Variants in FARP1 observed in about 807,000 individuals in gnomAD.
FARP1 encodes the protein FERM, ARHGEF and pleckstrin domain-containing protein 1.
FARP1 carries 52 observed loss-of-function variants against 128.8 expected under a neutral mutation model. The observed-to-expected ratio is 0.40, with a 90% CI of 0.32 to 0.51. The LOEUF is 0.51. Among genes scored for constraint, FARP1 ranks in the 20% least tolerant of loss-of-function variants. FARP1 has a pLI of 0.45. For missense variants in FARP1, 1,333 were observed against 1,367.9 expected (o/e 0.97, Z 0.40); for synonymous variants, 580 against 551.8 (o/e 1.05, Z -0.72).
intron 2 of FARP1, among the ~76,000 whole-genome samples, chr13:98,334,691 T>A (rs1341648973): frequency 6.6e-6 from 1 of 152,132 alleles, no homozygotes; most frequent in Non-Finnish European, 1.5e-5. Flanking sequence ...GGAAGTACAC[T>A]AATTAAGGTA....
chr13:98,147,612 T>A (rs945679256), intron 1 of FARP1, among the ~76,000 whole-genome samples: 1 of 151,994 alleles, frequency 6.6e-6, no homozygotes, highest in African/African-American at 2.4e-5. Context: ...TCAGTTTTTG[T>A]TCTTGTTCAT....
At chr13:98,396,611 T>C (rs1375964023) in intron 13 of FARP1, 1 of 398,010 alleles carries the variant, frequency 2.5e-6, no homozygotes, top group African/African-American at 2.1e-5. Context: ...GAGGAGATTT[T>C]GGACAGGCAC....
At chr13:98,305,595 A>G (rs1250070479) in intron 2 of FARP1, among the ~76,000 whole-genome samples, 1 of 152,142 alleles carries the variant, frequency 6.6e-6, no homozygotes, top group Admixed American at 6.5e-5. Context: ...CGGCCTCCCA[A>G]AGTGTTGGAA....
At chr13:98,328,586 A>G (rs1887335494) in intron 2 of FARP1, 1 of 152,242 alleles carries the variant, frequency 6.6e-6, no homozygotes, top group Non-Finnish European at 1.5e-5. Flanking sequence ...ACCTCAGCAC[A>G]TGACTCTTTT....
At chr13:98,281,657 A>G (rs182925467) in intron 2 of FARP1, among the ~76,000 whole-genome samples, 152 of 152,328 alleles carry the variant, frequency 1.0e-3, no homozygotes, top group African/African-American at 3.5e-3. Flanking sequence ...AAATGTACTA[A>G]CTGCAAACAA....
At chr13:98,446,451 C>T (rs112445558) in intron 25 of FARP1, 54 of 607,928 alleles carry the variant, frequency 8.9e-5, no homozygotes, top group African/African-American at 3.7e-4. Context: ...GGACAAGGGA[C>T]GGGGGTTGGC....
intron 16 of FARP1, among the ~76,000 whole-genome samples, chr13:98,420,962 T>C (rs1218959758): frequency 1.8e-4 from 27 of 152,166 alleles, no homozygotes; most frequent in Admixed American, 1.8e-3. Flanking sequence ...CTGTGTCCTG[T>C]GTATTTGGAC....
At chr13:98,401,136 T>C (rs1437108047) in intron 13 of FARP1, 4 of 152,172 alleles carry the variant, frequency 2.6e-5, no homozygotes, top group Non-Finnish European at 5.9e-5. Context: ...TAAGAGCATA[T>C]GGAGAGAAAG....
intron 1 of FARP1, among the ~76,000 whole-genome samples, chr13:98,185,096 T>C (rs527906927): frequency 1.3e-5 from 2 of 152,242 alleles, no homozygotes; most frequent in Non-Finnish European, 2.9e-5. Context: ...CAAAATAACC[T>C]CACAATCACA....
At chr13:98,310,645 G>A (rs1318599849) in intron 2 of FARP1, among the ~76,000 whole-genome samples, 2 of 152,176 alleles carry the variant, frequency 1.3e-5, no homozygotes, top group South Asian at 2.1e-4. Flanking sequence ...GATGAAACTC[G>A]TGGGCTGTCC....
intron 1 of FARP1, among the ~76,000 whole-genome samples, chr13:98,208,337 G>A (rs2047005826): frequency 6.6e-6 from 1 of 151,500 alleles, no homozygotes; most frequent in Middle Eastern, 3.2e-3. Context: ...AAAAAGCCGG[G>A]CATGGTGGTG....
intron 6 of FARP1, chr13:98,384,262 G>A (rs1305004880): frequency 6.2e-6 from 1 of 161,564 alleles, no homozygotes; most frequent in Non-Finnish European, 1.4e-5. Flanking sequence ...GCACGATCTT[G>A]GCTCACTGCA....
chr13:98,416,121 A>G (rs574723584), intron 16 of FARP1, among the ~76,000 whole-genome samples: 1 of 152,372 alleles, frequency 6.6e-6, no homozygotes, highest in East Asian at 1.9e-4. Flanking sequence ...TATGGTCTGC[A>G]CCCATCCTCT....
intron 1 of FARP1, among the ~76,000 whole-genome samples, chr13:98,161,797 C>T (rs1292002364): frequency 1.3e-5 from 2 of 151,848 alleles, no homozygotes; most frequent in African/African-American, 2.4e-5. Context: ...CCCTTTCTTT[C>T]GAGGCAGGGT....
intron 3 of FARP1, among the ~76,000 whole-genome samples, chr13:98,350,364 G>A (rs1594432788): frequency 1.3e-5 from 2 of 152,154 alleles, no homozygotes; most frequent in East Asian, 3.8e-4. Flanking sequence ...ACAAAATTGA[G>A]CCAGAAGTAC....
intron 1 of FARP1, among the ~76,000 whole-genome samples, chr13:98,167,397 C>G (rs2139150831): frequency 2.1e-5 from 3 of 142,304 alleles, no homozygotes; most frequent in Middle Eastern, 3.5e-3. Flanking sequence ...AATTTGAGAA[C>G]AGTTTTACTT....
chr13:98,270,469 A>G (rs1233250427), intron 2 of FARP1, among the ~76,000 whole-genome samples: 2 of 152,228 alleles, frequency 1.3e-5, no homozygotes, highest in African/African-American at 4.8e-5. Context: ...TTTTTAAACT[A>G]TTCATGACTT....
chr13:98,333,660 G>A (rs1208491509), intron 2 of FARP1: 3 of 152,224 alleles, frequency 2.0e-5, no homozygotes, highest in African/African-American at 7.2e-5. Flanking sequence ...CTGAACGCTG[G>A]GACTTATTGC....
intron 2 of FARP1, among the ~76,000 whole-genome samples, chr13:98,228,886 A>T (rs1881948350): frequency 6.6e-6 from 1 of 152,160 alleles, no homozygotes; most frequent in Non-Finnish European, 1.5e-5. Flanking sequence ...GATGTTCTTT[A>T]TTTTCTAGTA....
Sources: allele counts gnomAD v4.1 joint callset (sites outside exome capture counted in the v4.1 genomes callset), GRCh38; gene constraint gnomAD v4.1.1; transcripts MANE v1.5; gene names NCBI Gene and HGNC (gene_info 2026-07-23, HGNC 2026-07-21).